TXNDC16: variants seen among roughly 807,000 people sequenced by gnomAD.
TXNDC16 encodes thioredoxin domain containing 16.
TXNDC16 carries 74 observed loss-of-function variants against 85.6 expected under a neutral mutation model. The observed-to-expected ratio is 0.86, with a 90% CI of 0.72 to 1.05. The LOEUF is 1.05. Ranked by LOEUF, TXNDC16 falls within the 50% of genes least tolerant of loss-of-function variation. TXNDC16 has a pLI of 0.00. For missense variants in TXNDC16, 959 were observed against 947.0 expected (o/e 1.01, Z -0.17); for synonymous variants, 335 against 326.5 (o/e 1.03, Z -0.28).
In TXNDC16 at chr14:52,511,182, C is replaced by T. The variant is rs77986427; in HGVS notation, c.756+58G>A. 2.1e-3 allele frequency: 2,859 copies of T among 1,354,048 alleles called. 75 individuals are homozygous for T. The Admixed American group carries it at 0.05, about 24-fold the overall frequency. The allele number at this position is 1,354,048 out of a possible 1,614,324, so 83.9% of individuals were successfully genotyped here. A position where few individuals can be genotyped will look rare whatever the true frequency, so the allele number is the denominator to read the frequency against. On this transcript the variant is annotated intron_variant, in intron 9 of 20. Coordinates refer to ENST00000281741, the MANE Select transcript of TXNDC16 (RefSeq NM_020784.3). ...ATTTTATGTTAAAATAAGACACATA[C>T]CTTTTGCAATTATACAGGCAGTAGA...
chr14:52,449,200 GA>G (rs1398432993), intron 18 of TXNDC16, among the ~76,000 whole-genome samples: 2 of 151,620 alleles, frequency 1.3e-5, no homozygotes, highest in Non-Finnish European at 2.9e-5. Flanking sequence ...TTGCCTAAAA[GA>G]AACACACTTC....
intron 16 of TXNDC16, among the ~76,000 whole-genome samples, chr14:52,457,430 A>C (rs1179602706): frequency 1.3e-5 from 2 of 152,206 alleles, no homozygotes; most frequent in Non-Finnish European, 2.9e-5. Context: ...GTAATTCATA[A>C]GCTTTATAGC....
At chr14:52,449,689 T>C (rs561656887) in intron 18 of TXNDC16, among the ~76,000 whole-genome samples, 3 of 152,260 alleles carry the variant, frequency 2.0e-5, no homozygotes, top group African/African-American at 7.2e-5. Flanking sequence ...GGATAGACTT[T>C]AGGTTAAGTC....
intron 9 of TXNDC16, among the ~76,000 whole-genome samples, chr14:52,493,216 T>TATATATATATATATATACACACAC: frequency 4.2e-4 from 49 of 115,976 alleles, no homozygotes; most frequent in African/African-American, 1.7e-3. Context: ...TATATATATA[T>TATATATATATATATATACACACAC]ACACACACAC....
chr14:52,550,280 A>G (rs2038018700), intron 1 of TXNDC16, among the ~76,000 whole-genome samples: 1 of 152,228 alleles, frequency 6.6e-6, no homozygotes, highest in South Asian at 2.1e-4. Flanking sequence ...AGTTCCCATA[A>G]GAACATTCTG....
chr14:52,530,030 T>C (rs866121640), intron 6 of TXNDC16, among the ~76,000 whole-genome samples: 29 of 90,550 alleles, frequency 3.2e-4, no homozygotes, highest in Non-Finnish European at 5.4e-4. Context: ...TATGTTATAA[T>C]TATTTTTATG....
chr14:52,515,048 T>C (rs555264783), intron 7 of TXNDC16, 78 bp from the exon 8 acceptor site: 19 of 1,053,988 alleles, frequency 1.8e-5, no homozygotes, highest in Non-Finnish European at 2.7e-5. Context: ...ATTCTGAATA[T>C]TATCCTACAC....
At chr14:52,510,310 AC>A in intron 9 of TXNDC16, among the ~76,000 whole-genome samples, 1 of 152,350 alleles carries the variant, frequency 6.6e-6, no homozygotes, top group South Asian at 2.1e-4. Context: ...GTCTTTCAAA[AC>A]CATTTTAAAC....
At chr14:52,464,131 C>T (rs1486518408) in intron 16 of TXNDC16, among the ~76,000 whole-genome samples, 1 of 152,026 alleles carries the variant, frequency 6.6e-6, no homozygotes, top group Non-Finnish European at 1.5e-5. Flanking sequence ...ATCAAGTACA[C>T]CATTTCTTAT....
intron 1 of TXNDC16, among the ~76,000 whole-genome samples, chr14:52,545,191 A>G (rs2037917229): frequency 6.6e-6 from 1 of 152,180 alleles, no homozygotes; most frequent in South Asian, 2.1e-4. Flanking sequence ...CCATTTTAAC[A>G]CTAAATTGGA....
intron 1 of TXNDC16, among the ~76,000 whole-genome samples, chr14:52,545,897 A>G (rs2037931446): frequency 6.6e-6 from 1 of 152,232 alleles, no homozygotes; most frequent in Non-Finnish European, 1.5e-5. Flanking sequence ...GGGAAAAAGA[A>G]TATCAGCAAG....
chr14:52,550,652 G>A (rs757527603), intron 1 of TXNDC16, among the ~76,000 whole-genome samples: 7 of 150,684 alleles, frequency 4.6e-5, no homozygotes, highest in Non-Finnish European at 8.9e-5. Context: ...ATCACTTTGA[G>A]CAGAGAATAG....
chr14:52,456,060 C>T (rs568913221), intron 17 of TXNDC16, among the ~76,000 whole-genome samples: 23 of 152,134 alleles, frequency 1.5e-4, no homozygotes, highest in African/African-American at 3.9e-4. Flanking sequence ...CAATCCCTTT[C>T]GCTAACTAAA....
intron 9 of TXNDC16, among the ~76,000 whole-genome samples, chr14:52,497,172 T>C (rs1594729897): frequency 6.6e-6 from 1 of 152,076 alleles, no homozygotes; most frequent in Non-Finnish European, 1.5e-5. Context: ...AAAAATGATA[T>C]AATAAACAGG....
chr14:52,493,208 T>TACACACAC (rs755511374), intron 9 of TXNDC16, among the ~76,000 whole-genome samples: 3 of 119,698 alleles, frequency 2.5e-5, no homozygotes, highest in South Asian at 2.5e-4. Flanking sequence ...TATATATATA[T>TACACACAC]ATATATATAC....
chr14:52,546,864 A>G (rs1012479440), intron 1 of TXNDC16, among the ~76,000 whole-genome samples: 6 of 152,252 alleles, frequency 3.9e-5, no homozygotes, highest in African/African-American at 9.6e-5. Flanking sequence ...TCAAGGAAAC[A>G]TTTATCAGAG....
rs2034891607 is a variant in TXNDC16 at position 52,431,391 on chromosome 14, C to A, written c.*913G>T. On this transcript the variant is annotated 3_prime_UTR_variant, in exon 21 of 21. Coordinates refer to ENST00000281741, the MANE Select transcript of TXNDC16 (RefSeq NM_020784.3). ...TTAAAATATAAATATCATTCTGAGT[C>A]CTCTTCTAGGGTTATCCCATCACTT... is the stretch of plus-strand genomic sequence containing the variant. The A allele has an allele frequency of 6.6e-6, 1 of 152,146 alleles. No individual in the cohort carries two copies. Among genetic ancestry groups the A allele is most frequent in the South Asian group, 2.1e-4 (1 of 4,824 alleles). The allele number at this position is 152,146 out of a possible 1,614,324, so 9.4% of individuals were successfully genotyped here.
chr14:52,436,378 G>A (rs1331218686), intron 20 of TXNDC16, among the ~76,000 whole-genome samples: 6 of 152,142 alleles, frequency 3.9e-5, no homozygotes, highest in Non-Finnish European at 5.9e-5. Flanking sequence ...CAAATCCATA[G>A]AACCATAAAA....
Position 52,432,404 on chromosome 14 carries a change from T to G in TXNDC16, c.2378A>C (p.Glu793Ala), listed in dbSNP as rs2034921972. 1 of 1,613,968 alleles carries G rather than the reference T, an allele frequency of 6.2e-7. No individual in the cohort carries two copies. Among genetic ancestry groups the G allele is most frequent in the Non-Finnish European group, 8.5e-7 (1 of 1,179,988 alleles). Reference sequence around the variant, plus strand: ...ATTCCAATGCTTTATTCTCAGAGTTTCAATCGGTTCTTTTCTGACTGCCGA... The same window carrying G: ...ATTCCAATGCTTTATTCTCAGAGTTGCAATCGGTTCTTTTCTGACTGCCGA... ...DKSAVRKEPIETLRIKHWNRS... is the reference protein window; with the variant it reads ...DKSAVRKEPIATLRIKHWNRS... The change falls in exon 21 of 21, where the codon GAA becomes GCA. Residue 793 changes from glutamate (E) to alanine (A), a missense_variant. Transcript: ENST00000281741.
Sources: gnomAD v4.1 joint callset for allele counts (sites outside exome capture counted in the v4.1 genomes callset) on GRCh38, gnomAD v4.1.1 for gene constraint, MANE v1.5 for transcripts, NCBI Gene and HGNC (gene_info 2026-07-23, HGNC 2026-07-21) for gene names.